ASIC2: variants seen among roughly 807,000 people sequenced by gnomAD.
ASIC2 encodes the protein acid sensing ion channel subunit 2, also known as acid-sensing ion channel 2.
In ASIC2, 25 loss-of-function variants were observed where a neutral mutation model predicts 57.3. The observed-to-expected ratio is 0.44, with a 90% confidence interval of 0.32 to 0.61. The LOEUF is 0.61. Ranked by LOEUF, ASIC2 falls within the 20% of genes least tolerant of loss-of-function variation. The pLI, the probability that ASIC2 is intolerant of heterozygous loss-of-function variation, is 0.06. For missense variants in ASIC2, 641 were observed against 738.1 expected (o/e 0.87, Z 1.52); for synonymous variants, 319 against 307.5 (o/e 1.04, Z -0.39).
At chr17:34,061,070 A>G (rs1908954713) in intron 1 of ASIC2, among the ~76,000 whole-genome samples, 1 of 152,212 alleles carries the variant, frequency 6.6e-6, no homozygotes, top group Admixed American at 6.5e-5. Context: ...GTTAAGATGA[A>G]GGAAAGAATC....
intron 1 of ASIC2, among the ~76,000 whole-genome samples, chr17:33,877,083 C>G (rs1567742906): frequency 2.0e-5 from 3 of 152,186 alleles, no homozygotes; most frequent in African/African-American, 7.2e-5. Context: ...TAATTATTTT[C>G]TTTTTTTCTC....
At chr17:33,049,472 G>A (rs11656092) in intron 3 of ASIC2, among the ~76,000 whole-genome samples, 1,760 of 152,278 alleles carry the variant, frequency 0.012, 28 homozygotes, top group Middle Eastern at 0.014. Context: ...ATTGTGTTTA[G>A]TTTAATTAGT....
At chr17:33,883,550 G>C (rs1037067777) in intron 1 of ASIC2, among the ~76,000 whole-genome samples, 1 of 152,194 alleles carries the variant, frequency 6.6e-6, no homozygotes, top group South Asian at 2.1e-4. Flanking sequence ...GCCCTGTCTT[G>C]AGCCACACTC....
At chr17:33,253,054 C>T (rs1908941861) in intron 1 of ASIC2, among the ~76,000 whole-genome samples, 2 of 152,200 alleles carry the variant, frequency 1.3e-5, no homozygotes, top group Non-Finnish European at 2.9e-5. Flanking sequence ...ATGCTGGACA[C>T]CGTGTTAATG....
rs991969136 is a variant in ASIC2 at position 33,760,171 on chromosome 17, A to G, written c.555+395807T>C. Among the ~76,000 whole-genome samples, 25 of 152,324 alleles carry G rather than the reference A, an allele frequency of 1.6e-4. 1 individual carries two copies. Among genetic ancestry groups the G allele is most frequent in the African/African-American group, 5.3e-4 (22 of 41,556 alleles). Reference sequence around the variant, plus strand: ...CTAAGAATTATAATGACTCAAAAAAAAATGGACTTATTTGACATAGCATTA... The same window carrying G: ...CTAAGAATTATAATGACTCAAAAAAGAATGGACTTATTTGACATAGCATTA... On this transcript the variant is annotated intron_variant, in intron 1 of 9. Coordinates refer to the ASIC2 transcript ENST00000359872.
intron 2 of ASIC2, among the ~76,000 whole-genome samples, chr17:33,111,490 C>T (rs113852236): frequency 0.019 from 2,888 of 152,272 alleles, 103 homozygotes; most frequent in African/African-American, 0.066. Flanking sequence ...CACTTCCCAG[C>T]CCCTCCAGCT....
chr17:33,310,545 A>T (rs978173779), intron 1 of ASIC2, among the ~76,000 whole-genome samples: 2 of 152,314 alleles, frequency 1.3e-5, no homozygotes, highest in Admixed American at 6.5e-5. Context: ...TGCTGATCTG[A>T]GGGAATAGCC....
intron 1 of ASIC2, among the ~76,000 whole-genome samples, chr17:33,641,514 G>A (rs142670800): frequency 2.0e-5 from 3 of 152,318 alleles, no homozygotes; most frequent in African/African-American, 7.2e-5. Flanking sequence ...GACTCACTCA[G>A]AGCCACACAG....
At chr17:33,195,415 A>G (rs1294116835) in intron 1 of ASIC2, among the ~76,000 whole-genome samples, 2 of 152,222 alleles carry the variant, frequency 1.3e-5, no homozygotes, top group African/African-American at 4.8e-5. Context: ...GGTCATTGTC[A>G]GGATTATGGG....
At chr17:34,093,589 T>G (rs2142090302) in intron 1 of ASIC2, among the ~76,000 whole-genome samples, 1 of 152,324 alleles carries the variant, frequency 6.6e-6, no homozygotes, top group African/African-American at 2.4e-5. Context: ...CCTGATACAC[T>G]TTGAATATTT....
At chr17:33,752,195 G>A (rs981648338) in intron 1 of ASIC2, among the ~76,000 whole-genome samples, 2 of 151,744 alleles carry the variant, frequency 1.3e-5, no homozygotes. Flanking sequence ...TCTGAGAGTC[G>A]GCCCTTTCAA....
chr17:34,109,647 G>A (rs1567825515), intron 1 of ASIC2, among the ~76,000 whole-genome samples: 1 of 152,140 alleles, frequency 6.6e-6, no homozygotes, highest in East Asian at 1.9e-4. Flanking sequence ...CACCACATGT[G>A]CTATCTGACA....
intron 1 of ASIC2, among the ~76,000 whole-genome samples, chr17:34,089,294 A>G (rs530897817): frequency 6.6e-6 from 1 of 152,336 alleles, no homozygotes; most frequent in African/African-American, 2.4e-5. Flanking sequence ...TTTTGCCTTC[A>G]TAGAGGGTAC....
At chr17:33,653,213 T>C (rs984344597) in intron 1 of ASIC2, among the ~76,000 whole-genome samples, 4 of 152,312 alleles carry the variant, frequency 2.6e-5, no homozygotes, top group Admixed American at 2.0e-4. Context: ...GCTGGCCTTC[T>C]TCCCTGTTCT....
chr17:33,416,601 T>G (rs1225245407), intron 1 of ASIC2, among the ~76,000 whole-genome samples: 1 of 152,212 alleles, frequency 6.6e-6, no homozygotes, highest in Non-Finnish European at 1.5e-5. Flanking sequence ...GCGCCCACAG[T>G]GGCAGCTGAG....
chr17:33,523,759 C>T (rs200322121), intron 1 of ASIC2, among the ~76,000 whole-genome samples: 2 of 152,296 alleles, frequency 1.3e-5, no homozygotes, highest in South Asian at 2.1e-4. Flanking sequence ...GAAAGGCCCT[C>T]TGTGCTCACT....
At chr17:33,987,678 G>C (rs1023523993) in intron 1 of ASIC2, among the ~76,000 whole-genome samples, 1 of 150,366 alleles carries the variant, frequency 6.7e-6, no homozygotes, top group South Asian at 2.1e-4. Flanking sequence ...ACCAACCAAC[G>C]AACCAGAAAG....
At chr17:33,743,617 A>T (rs944019670) in intron 1 of ASIC2, among the ~76,000 whole-genome samples, 1 of 152,224 alleles carries the variant, frequency 6.6e-6, no homozygotes. Context: ...TAAATAGGAC[A>T]CATGATTGAT....
intron 1 of ASIC2, among the ~76,000 whole-genome samples, chr17:34,053,691 T>A (rs1402466675): frequency 1.3e-5 from 2 of 152,226 alleles, no homozygotes; most frequent in Non-Finnish European, 2.9e-5. Context: ...AATTAGGTAC[T>A]GAGTTCAAGA....
Sources: gnomAD v4.1 joint callset for allele counts (sites outside exome capture counted in the v4.1 genomes callset) on GRCh38, gnomAD v4.1.1 for gene constraint, MANE v1.5 for transcripts, NCBI Gene and HGNC (gene_info 2026-07-23, HGNC 2026-07-21) for gene names.